Variants in FBN2 observed in about 807,000 individuals in gnomAD.
The protein encoded by FBN2 is fibrillin 2.
In FBN2, 105 loss-of-function variants were observed where a neutral mutation model predicts 355.6. The observed-to-expected ratio is 0.30, with a 90% CI of 0.25 to 0.35. The LOEUF is 0.35. FBN2 is among the 10% of genes least tolerant of loss of function. The pLI, the probability that FBN2 is intolerant of heterozygous loss-of-function variation, is 1.00. For synonymous variants in FBN2, 1,350 were observed against 1,301.2 expected, an observed-to-expected ratio of 1.04 and a Z score of -0.81; for missense variants, 3,280 against 3,758.7, an observed-to-expected ratio of 0.87 and a Z score of 3.33.
At chr5:128,503,912 G>A (rs1755881760) in intron 5 of FBN2, among the ~76,000 whole-genome samples, 1 of 151,974 alleles carries the variant, frequency 6.6e-6, no homozygotes, top group African/African-American at 2.4e-5. Context: ...GGTCTGGGAG[G>A]AAAAAATGGT....
rs79385591 is a variant in FBN2 at position 128,424,523 on chromosome 5, T to C, written c.953-15724A>G. Among the ~76,000 whole-genome samples the C allele has an allele frequency of 2.0e-3, 306 of 152,226 alleles. 1 individual carries two copies. Among genetic ancestry groups the C allele is most frequent in the African/African-American group, 7.2e-3 (298 of 41,586 alleles). On this transcript the variant is annotated intron_variant, in intron 7 of 64. Coordinates refer to ENST00000262464, the MANE Select transcript of FBN2 (RefSeq NM_001999.4). ...GCCTGTGGTCTGTCACATTATATCA[T>C]TATTTTTGCATTATTTCAGGATTTT...
In FBN2 at chr5:128,345,562, G is replaced by C; in HGVS notation, c.3012C>G (p.Tyr1004Ter). Residue 1004 changes from tyrosine (Y) to a stop codon, truncating the protein, a stop_gained, in exon 24 of 65, where the codon TAC (tyrosine) becomes TAG (stop). Coordinates refer to ENST00000262464, the MANE Select transcript of FBN2 (RefSeq NM_001999.4). LOFTEE classifies it high-confidence loss of function. ...TGCATTCATCTTCATCCCACTTCAAGTAACACTGCTCCATGCGAATATCTA... is the reference window on the plus strand; with the variant it reads ...TGCATTCATCTTCATCCCACTTCAACTAACACTGCTCCATGCGAATATCTA... ...VCLDIRMEQC[Y>*]LKWDEDECIH... 6.2e-7 allele frequency: 1 copy of C among 1,612,116 alleles called. No individual in the cohort carries two copies. The highest frequency in any genetic ancestry group is 8.5e-7 in the Non-Finnish European group (1 of 1,179,022).
At chr5:128,501,568 G>T (rs1474515635) in intron 5 of FBN2, among the ~76,000 whole-genome samples, 1 of 151,906 alleles carries the variant, frequency 6.6e-6, no homozygotes, top group East Asian at 1.9e-4. Context: ...CTGCATTGTA[G>T]GAAAAAATAA....
chr5:128,502,416 T>C (rs576291774), intron 5 of FBN2, among the ~76,000 whole-genome samples: 60 of 152,086 alleles, frequency 3.9e-4, no homozygotes, highest in South Asian at 1.5e-3. Flanking sequence ...CAGAAGATAA[T>C]TGGATCATAT....
In FBN2 at chr5:128,335,235, G is replaced by T; in HGVS notation, c.3908C>A (p.Pro1303His). The change falls in exon 30 of 65, where the codon CCT (proline) becomes CAT (histidine). Residue 1303 changes from proline (P) to histidine (H), a missense_variant. By Grantham distance (77) the Pro-to-His change is moderately conservative. Around this residue, in one of 6 missense-constraint regions of FBN2, gnomAD observed 2,284 missense variants for 2,749.5 expected, o/e 0.83. Transcript: ENST00000262464. ...ATAGCAGAGGCAGCGATACTCTCCA[G>T]GAATGTTGGTACACTGGCCGCCATC... ...ICDGGQCTNIPGEYRCLCYDG... is the reference protein window; with the variant it reads ...ICDGGQCTNIHGEYRCLCYDG... The T allele has an allele frequency of 6.2e-7, 1 of 1,614,108 alleles. No homozygotes were observed. Among genetic ancestry groups the T allele is most frequent in the Non-Finnish European group, 8.5e-7 (1 of 1,180,004 alleles).
chr5:128,331,140 C>G (rs1253091201), intron 32 of FBN2, among the ~76,000 whole-genome samples: 1 of 151,982 alleles, frequency 6.6e-6, no homozygotes, highest in African/African-American at 2.4e-5. Flanking sequence ...CTTAGTTGAG[C>G]AGAAAAGACA....
intron 8 of FBN2, among the ~76,000 whole-genome samples, chr5:128,405,877 T>C (rs1436285941): frequency 6.6e-6 from 1 of 152,184 alleles, no homozygotes; most frequent in Non-Finnish European, 1.5e-5. Flanking sequence ...TCCAGGCATA[T>C]TTCTTCTAGC....
At chr5:128,457,731 T>C (rs888698050) in intron 6 of FBN2, among the ~76,000 whole-genome samples, 1 of 151,460 alleles carries the variant, frequency 6.6e-6, no homozygotes, top group Admixed American at 6.6e-5. Flanking sequence ...GGAAATAAAA[T>C]ATTTTCCAGA....
intron 6 of FBN2, among the ~76,000 whole-genome samples, chr5:128,462,620 T>G (rs1754587438): frequency 6.6e-6 from 1 of 152,182 alleles, no homozygotes; most frequent in Non-Finnish European, 1.5e-5. Context: ...TAAGTAATCC[T>G]TCAGACATTA....
chr5:128,393,239 C>T lies in FBN2; in HGVS notation c.1361G>A (p.Gly454Glu), dbSNP rs1201964448. 6.2e-7 allele frequency: 1 copy of T among 1,614,196 alleles called. No individual in the cohort carries two copies. The highest frequency in any genetic ancestry group is 8.5e-7 in the Non-Finnish European group (1 of 1,180,026). Residue 454 changes from glycine (G) to glutamate (E), a missense_variant, in exon 10 of 65, where the codon GGA becomes GAA. Physicochemically the swap from Gly to Glu is moderately conservative, Grantham distance 98 (BLOSUM62 -2). Coordinates refer to ENST00000262464, the MANE Select transcript of FBN2 (RefSeq NM_001999.4). ...AGGGATGGGGATGAAGCCTGTCCCT[C>T]CTGGGCCATAGCCATTGCCATTGCC... is the stretch of plus-strand genomic sequence containing the variant. ...PSGNGNGYGP[G>E]GTGFIPIPGG...
At chr5:128,362,895 T>C (rs80290750) in intron 18 of FBN2, among the ~76,000 whole-genome samples, 6,613 of 152,228 alleles carry the variant, frequency 0.043, 216 homozygotes, top group East Asian at 0.071. Flanking sequence ...ATAACAATTT[T>C]CCCTTATTAA....
intron 29 of FBN2, 41 bp from the exon 30 acceptor site, chr5:128,335,336 C>T (rs370025998): frequency 7.3e-5 from 118 of 1,613,368 alleles, no homozygotes; most frequent in South Asian, 6.0e-4. Context: ...ATAAAAATGT[C>T]GTTCATCAAT....
intron 45 of FBN2, among the ~76,000 whole-genome samples, chr5:128,303,579 C>T (rs1212650921): frequency 6.6e-6 from 1 of 152,028 alleles, no homozygotes; most frequent in Non-Finnish European, 1.5e-5. Flanking sequence ...CACTATTAGC[C>T]TTCAAAAAAA....
At chr5:128,411,666 G>A (rs893164765) in intron 7 of FBN2, among the ~76,000 whole-genome samples, 1 of 152,136 alleles carries the variant, frequency 6.6e-6, no homozygotes, top group African/African-American at 2.4e-5. Context: ...AGGGGATATG[G>A]TGGGCCAGGG....
At chr5:128,280,405 C>G in intron 55 of FBN2, 88 bp from the exon 56 acceptor site, 1 of 992,340 alleles carries the variant, frequency 1.0e-6, no homozygotes, top group Admixed American at 1.8e-5. Flanking sequence ...TCTTATTTAA[C>G]ACTTCTTTGC....
chr5:128,279,574 T>C (rs1185272223), intron 56 of FBN2, among the ~76,000 whole-genome samples: 1 of 152,150 alleles, frequency 6.6e-6, no homozygotes, highest in African/African-American at 2.4e-5. Context: ...GTGATATAGT[T>C]GAAATACTCT....
chr5:128,369,686 T>C (rs559141533), intron 15 of FBN2, among the ~76,000 whole-genome samples: 1 of 152,316 alleles, frequency 6.6e-6, no homozygotes, highest in South Asian at 2.1e-4. Context: ...ATATTCAAAA[T>C]GACACTTCTT....
chr5:128,458,193 A>C (rs1754454303), intron 6 of FBN2, among the ~76,000 whole-genome samples: 1 of 152,166 alleles, frequency 6.6e-6, no homozygotes, highest in South Asian at 2.1e-4. Context: ...AACAGATTTT[A>C]AACCAGCAAA....
intron 63 of FBN2, among the ~76,000 whole-genome samples, chr5:128,262,636 A>G (rs1185491049): frequency 2.0e-5 from 3 of 152,236 alleles, no homozygotes; most frequent in African/African-American, 7.2e-5. Context: ...TAGTGAGTCA[A>G]TGAATTGGCT....
Sources: gnomAD v4.1 joint callset for allele counts (sites outside exome capture counted in the v4.1 genomes callset) on GRCh38, gnomAD v4.1.1 for gene constraint, gnomAD v4.1.1 regional missense constraint, MANE v1.5 for transcripts, NCBI Gene and HGNC (gene_info 2026-07-23, HGNC 2026-07-21) for gene names.